The following TMEM165 variants were observed in gnomAD, a reference collection of about 807,000 sequenced individuals.
The protein encoded by TMEM165 is putative divalent cation/proton antiporter TMEM165.
A neutral mutation model predicts 30.0 loss-of-function variants in TMEM165; 19 were observed. The observed-to-expected ratio is 0.63, with a 90% CI of 0.44 to 0.93. The LOEUF (loss-of-function observed/expected upper bound fraction) is 0.93, where lower values mean the gene tolerates loss of function less well. Ranked by LOEUF, TMEM165 falls within the 40% of genes least tolerant of loss-of-function variation. TMEM165 has a pLI of 0.00. For missense variants in TMEM165, 340 were observed against 417.0 expected (o/e 0.82, Z 1.61); for synonymous variants, 168 against 162.9 (o/e 1.03, Z -0.24).
intron 1 of TMEM165, among the ~76,000 whole-genome samples, chr4:55,410,011 G>A (rs1278418690): frequency 6.6e-6 from 1 of 152,196 alleles, no homozygotes; most frequent in Non-Finnish European, 1.5e-5. Context: ...CAAACTTCTT[G>A]TAGTTGCCAT....
At chr4:55,448,597 CGCGCGTGTGTGT>C (rs1452554112) in intron 3 of TMEM165, among the ~76,000 whole-genome samples, 88 of 72,930 alleles carry the variant, frequency 1.2e-3, no homozygotes, top group African/African-American at 5.1e-3. Context: ...CGCGCGCACG[CGCGCGTGTGTGT>C]GTGTGTGTGT....
intron 3 of TMEM165, among the ~76,000 whole-genome samples, chr4:55,448,617 TG>T (rs1560421426): frequency 7.3e-6 from 1 of 136,056 alleles, no homozygotes; most frequent in African/African-American, 2.8e-5. Context: ...TGTGTGTGTG[TG>T]TGTGTGTGTG....
chr4:55,433,382 A>C (rs1005233839), intron 3 of TMEM165: 3 of 152,620 alleles, frequency 2.0e-5, no homozygotes, highest in Non-Finnish European at 4.4e-5. Flanking sequence ...TTCAACATTA[A>C]TGTTCAAAGT....
At chr4:55,444,914 T>G in intron 3 of TMEM165, 1 of 945,942 alleles carries the variant, frequency 1.1e-6, no homozygotes, top group Non-Finnish European at 1.6e-6. Flanking sequence ...GTTATGTCCC[T>G]TAGTTTCTAA....
chr4:55,436,687 TTCTC>T (rs774150805), intron 3 of TMEM165, among the ~76,000 whole-genome samples: 1 of 152,168 alleles, frequency 6.6e-6, no homozygotes, highest in Admixed American at 6.6e-5. Context: ...AGAGTTTTCT[TTCTC>T]TCTTTGTTAT....
chr4:55,438,137 A>G, intron 3 of TMEM165: 3 of 1,123,982 alleles, frequency 2.7e-6, no homozygotes, highest in South Asian at 1.6e-5. Flanking sequence ...CAACCAGAAC[A>G]AGCTTTCTAT....
At chr4:55,449,517 A>C in intron 3 of TMEM165, 1 of 1,550,626 alleles carries the variant, frequency 6.4e-7, no homozygotes, top group Non-Finnish European at 8.9e-7. Context: ...CAAAATCAGA[A>C]GAGCATTAGT....
At chr4:55,409,599 T>C (rs1427699544) in intron 1 of TMEM165, among the ~76,000 whole-genome samples, 1 of 152,174 alleles carries the variant, frequency 6.6e-6, no homozygotes, top group African/African-American at 2.4e-5. Context: ...TTAGCAGCGT[T>C]TCTGGCCTCT....
At chr4:55,447,265 AC>A (rs1213450597) in intron 3 of TMEM165, among the ~76,000 whole-genome samples, 1 of 151,994 alleles carries the variant, frequency 6.6e-6, no homozygotes, top group Non-Finnish European at 1.5e-5. Flanking sequence ...TACTCGGGAG[AC>A]TGAGGCGGGA....
At chr4:55,427,444 G>A (rs1305715778), downstream of TMEM165, among the ~76,000 whole-genome samples, 1 of 151,822 alleles carries the variant, frequency 6.6e-6, no homozygotes, top group Non-Finnish European at 1.5e-5. Flanking sequence ...CTGAGTTCAA[G>A]CAGTTCTCCT....
intron 3 of TMEM165, chr4:55,417,541 C>T: frequency 1.9e-6 from 1 of 520,442 alleles, no homozygotes. Context: ...ACCTGTTTCT[C>T]CCGTGGTGTC....
intron 3 of TMEM165, chr4:55,444,716 T>C: frequency 6.2e-7 from 1 of 1,614,150 alleles, no homozygotes; most frequent in Non-Finnish European, 8.5e-7. Flanking sequence ...TTTGCTTCTA[T>C]CATGCGTGTC....
downstream of TMEM165, chr4:55,430,895 C>G (rs890988186): frequency 1.3e-5 from 2 of 152,162 alleles, no homozygotes; most frequent in Admixed American, 6.5e-5. Context: ...TCTACAATCT[C>G]TTGACTCCAC....
chr4:55,421,517 C>T (rs1272144493), intron 4 of TMEM165, among the ~76,000 whole-genome samples: 5 of 151,906 alleles, frequency 3.3e-5, no homozygotes, highest in African/African-American at 7.3e-5. Context: ...AGGCTGGTCT[C>T]GAACTCCTGA....
At chr4:55,434,066 A>G (rs1358370552) in intron 3 of TMEM165, 1 of 152,650 alleles carries the variant, frequency 6.6e-6, no homozygotes, top group Non-Finnish European at 1.5e-5. Flanking sequence ...GACTGATAGC[A>G]GTCTTCAGAG....
In TMEM165 at chr4:55,425,744, C is replaced by G. The variant is rs1301651821; in HGVS notation, c.*292C>G. On this transcript the variant is annotated 3_prime_UTR_variant, in exon 6 of 6. Coordinates refer to ENST00000381334, the MANE Select transcript of TMEM165 (RefSeq NM_018475.5). ...CCGTTGTGCAGTGGGGTCTACCATGCAATTTTCTTTCAGCACTGACCCCTT... is the reference window on the plus strand; with the variant it reads ...CCGTTGTGCAGTGGGGTCTACCATGGAATTTTCTTTCAGCACTGACCCCTT... 4.6e-6 allele frequency: 1 copy of G among 217,834 alleles called. No homozygotes were observed. Among genetic ancestry groups the G allele is most frequent in the Non-Finnish European group, 8.9e-6 (1 of 112,060 alleles). The allele number at this position is 217,834 out of a possible 1,614,324, so 13.5% of individuals were successfully genotyped here.
At chr4:55,443,724 A>G in intron 3 of TMEM165, 1 of 1,614,084 alleles carries the variant, frequency 6.2e-7, no homozygotes, top group Non-Finnish European at 8.5e-7. Context: ...TTGTTGTATC[A>G]TGTGCTGAGT....
intron 3 of TMEM165, among the ~76,000 whole-genome samples, chr4:55,445,392 T>C (rs1485862682): frequency 6.6e-6 from 1 of 152,016 alleles, no homozygotes; most frequent in African/African-American, 2.4e-5. Flanking sequence ...ATCTGTGGCA[T>C]GTCAGTGAAC....
chr4:55,405,521 G>A (rs1382987106), intron 1 of TMEM165, among the ~76,000 whole-genome samples: 2 of 152,106 alleles, frequency 1.3e-5, no homozygotes, highest in Non-Finnish European at 2.9e-5. Flanking sequence ...CAAACCCCTT[G>A]TTTTTATTCC....
Sources: gnomAD v4.1 joint callset for allele counts (sites outside exome capture counted in the v4.1 genomes callset) on GRCh38, gnomAD v4.1.1 for gene constraint, MANE v1.5 for transcripts, NCBI Gene and HGNC (gene_info 2026-07-23, HGNC 2026-07-21) for gene names.